The following NUP98 variants were observed in gnomAD, a reference collection of about 807,000 sequenced individuals.
The protein encoded by NUP98 is nucleoporin 98 and 96 precursor.
NUP98 carries 26 observed loss-of-function variants against 191.9 expected under a neutral mutation model. The observed-to-expected ratio is 0.14, with a 90% CI of 0.10 to 0.19. The LOEUF is 0.19. Among genes scored for constraint, NUP98 ranks in the 10% least tolerant of loss-of-function variants. The pLI is 1.00. For synonymous variants in NUP98, 808 were observed against 778.4 expected (o/e 1.04, Z -0.63); for missense variants, 1,941 against 2,178.8 (o/e 0.89, Z 2.17).
At chr11:3,719,044 C>T (rs914775011) in intron 18 of NUP98, among the ~76,000 whole-genome samples, 3 of 151,648 alleles carry the variant, frequency 2.0e-5, no homozygotes, top group East Asian at 1.9e-4. Flanking sequence ...CGCTTGAACC[C>T]GGGAGTCGGA....
At chr11:3,729,728 A>AAAAAAAG (rs2079768945) in intron 14 of NUP98, among the ~76,000 whole-genome samples, 4 of 143,708 alleles carry the variant, frequency 2.8e-5, no homozygotes, top group African/African-American at 7.6e-5. Context: ...AAAAAAAAAA[A>AAAAAAAG]AAAAAAAAAA....
chr11:3,676,263 C>A lies in NUP98; in HGVS notation c.5299G>T (p.Ala1767Ser). 1 of 1,614,128 alleles carries A rather than the reference C, an allele frequency of 6.2e-7. No homozygotes were observed. Residue 1767 changes from alanine to serine, a missense_variant, in exon 33 of 33, where the codon GCT becomes TCT. Ala to Ser is a moderately conservative substitution (Grantham distance 99). This residue lies in a region of NUP98 where 1,030 missense variants were observed against 1,115.8 expected (regional missense o/e 0.92). Coordinates refer to ENST00000324932, the MANE Select transcript of NUP98 (RefSeq NM_016320.5). ...DPQRVPLRLLAPHIGRLPMPE... is the reference protein window; with the variant it reads ...DPQRVPLRLLSPHIGRLPMPE... ...ATGGGAAGCCGGCCAATGTGGGGAG[C>A]CAAGAGGCGCAAAGGGACTCGCTGA...
At chr11:3,743,335 G>C (rs1035327908) in intron 12 of NUP98, among the ~76,000 whole-genome samples, 1 of 149,126 alleles carries the variant, frequency 6.7e-6, no homozygotes, top group Non-Finnish European at 1.5e-5. Flanking sequence ...TCTTTAAAAA[G>C]CTATTTAAAT....
At chr11:3,775,782 T>G in intron 5 of NUP98, 100 bp downstream of exon 5, 1 of 1,157,260 alleles carries the variant, frequency 8.6e-7, no homozygotes, top group Middle Eastern at 2.0e-4. Flanking sequence ...TCAGGCAGTG[T>G]CAAGCTAAGC....
intron 10 of NUP98, among the ~76,000 whole-genome samples, chr11:3,759,636 T>C (rs999119345): frequency 6.6e-6 from 1 of 152,062 alleles, no homozygotes; most frequent in African/African-American, 2.4e-5. Flanking sequence ...AATATCATCA[T>C]GTTCCATAAA....
intron 12 of NUP98, 54 bp downstream of exon 12, chr11:3,744,455 C>G (rs1186443630): frequency 7.1e-6 from 11 of 1,550,876 alleles, no homozygotes; most frequent in Non-Finnish European, 1.7e-6. Flanking sequence ...AAAATCAGGT[C>G]AGCAAGTATT....
intron 4 of NUP98, among the ~76,000 whole-genome samples, chr11:3,776,569 CACCT>C (rs2081739774): frequency 6.6e-6 from 1 of 151,454 alleles, no homozygotes; most frequent in Non-Finnish European, 1.5e-5. Flanking sequence ...CTGCAACCTC[CACCT>C]CCCAGGTTGA....
chr11:3,725,762 G>A (rs879146866), intron 14 of NUP98, among the ~76,000 whole-genome samples: 1 of 152,164 alleles, frequency 6.6e-6, no homozygotes, highest in Admixed American at 6.5e-5. Flanking sequence ...AAAAAATCCT[G>A]TTATCAAATA....
At chr11:3,764,762 T>C (rs1399715396) in intron 8 of NUP98, among the ~76,000 whole-genome samples, 2 of 152,224 alleles carry the variant, frequency 1.3e-5, no homozygotes, top group Non-Finnish European at 2.9e-5. Context: ...GTATTTTTAG[T>C]AGAGACGGGG....
At chr11:3,786,917 T>C (rs1200667327) in intron 1 of NUP98, among the ~76,000 whole-genome samples, 2 of 152,226 alleles carry the variant, frequency 1.3e-5, no homozygotes, top group African/African-American at 2.4e-5. Flanking sequence ...TTTTTTCCTT[T>C]CCACTTCATT....
chr11:3,742,939 A>G (rs1459932661), intron 12 of NUP98, among the ~76,000 whole-genome samples: 1 of 152,056 alleles, frequency 6.6e-6, no homozygotes, highest in Non-Finnish European at 1.5e-5. Flanking sequence ...TATTCATTCT[A>G]TTTATCTCAG....
Position 3,712,599 on chromosome 11 carries a change from T to C in NUP98, c.2707A>G (p.Met903Val). 6.2e-7 allele frequency: 1 copy of C among 1,614,118 alleles called. No homozygotes were observed. The highest frequency in any genetic ancestry group is 8.5e-7 in the Non-Finnish European group (1 of 1,179,996). Residue 903 changes from methionine (M) to valine (V), a missense_variant, in exon 20 of 33, where the codon ATG becomes GTG. Around this residue, in one of 6 missense-constraint regions of NUP98, gnomAD observed 1,030 missense variants for 1,115.8 expected, o/e 0.92. Coordinates refer to ENST00000324932, the MANE Select transcript of NUP98 (RefSeq NM_016320.5). ...GGTGCAGGTTTGCCATTAAGAGCCA[T>C]CTGCAAGGGCGTAGTCTGGCTTGCA... is the stretch of plus-strand genomic sequence containing the variant. The part of the protein sequence containing the change: ...PPASQTTPLQ[M>V]ALNGKPAPPP...
At chr11:3,700,138 G>A (rs935656953) in intron 24 of NUP98, among the ~76,000 whole-genome samples, 1 of 152,052 alleles carries the variant, frequency 6.6e-6, no homozygotes, top group Non-Finnish European at 1.5e-5. Context: ...GGCAGATCAC[G>A]AGGTCAAGAG....
At chr11:3,786,572 CTAAT>C (rs1176949507) in intron 1 of NUP98, among the ~76,000 whole-genome samples, 16 of 152,226 alleles carry the variant, frequency 1.1e-4, no homozygotes, top group Middle Eastern at 6.8e-3. Flanking sequence ...CAAAAATCTC[CTAAT>C]TAATAATTCA....
chr11:3,735,269 G>A lies in NUP98; in HGVS notation c.1464C>T (p.Ile488=), dbSNP rs1370127853. Residue 488 remains isoleucine, a synonymous_variant, in exon 13 of 33, where the codon ATC becomes ATT. Coordinates refer to ENST00000324932, the MANE Select transcript of NUP98 (RefSeq NM_016320.5). The part of the protein sequence containing the change: ...AAQQAVLQQH[I]NSLTYSPFGD... The stretch of plus-strand genomic sequence containing the variant: ...CAAAAGGTGAGTATGTTAGACTATT[G>A]ATGTGCTGCTGGAGAACAGCCTGCT... 1.9e-6 allele frequency: 3 copies of A among 1,592,118 alleles called. No homozygotes were observed. The highest frequency in any genetic ancestry group is 2.6e-6 in the Non-Finnish European group (3 of 1,167,124).
chr11:3,738,756 T>C (rs1198700156), intron 12 of NUP98, among the ~76,000 whole-genome samples: 22 of 115,520 alleles, frequency 1.9e-4, no homozygotes, highest in Admixed American at 8.0e-4. Context: ...CCAGCCTGGG[T>C]GACAGAGTAA....
intron 1 of NUP98, among the ~76,000 whole-genome samples, chr11:3,787,885 G>A (rs1436071313): frequency 1.3e-5 from 2 of 152,084 alleles, no homozygotes; most frequent in Non-Finnish European, 2.9e-5. Context: ...CCAGCTACTT[G>A]GGAGGCTGAG....
chr11:3,759,857 G>A (rs2081105215), intron 10 of NUP98, among the ~76,000 whole-genome samples: 2 of 150,530 alleles, frequency 1.3e-5, no homozygotes, highest in Non-Finnish European at 3.0e-5. Context: ...ATTTTTTTTA[G>A]AGACCTACTT....
At chr11:3,778,198 C>CAAA (rs71302029) in intron 4 of NUP98, among the ~76,000 whole-genome samples, 111 of 60,288 alleles carry the variant, frequency 1.8e-3, no homozygotes, top group African/African-American at 2.4e-3. Context: ...GACTCCATCT[C>CAAA]AAAAAAAAAA....
Sources: allele counts gnomAD v4.1 joint callset (sites outside exome capture counted in the v4.1 genomes callset), GRCh38; gene constraint gnomAD v4.1.1; regional missense constraint gnomAD v4.1.1; transcripts MANE v1.5; gene names NCBI Gene and HGNC (gene_info 2026-07-23, HGNC 2026-07-21).